The following GBF1 variants were observed in gnomAD, a reference collection of about 807,000 sequenced individuals.
GBF1 encodes golgi brefeldin A resistant guanine nucleotide exchange factor 1.
GBF1 carries 114 observed loss-of-function variants against 210.5 expected under a neutral mutation model. The ratio of observed to expected loss-of-function variants is 0.54; its 90% CI spans 0.47 to 0.63. The LOEUF (loss-of-function observed/expected upper bound fraction) is 0.63. Among genes scored for constraint, GBF1 ranks in the 30% least tolerant of loss-of-function variants. The pLI is 0.00. For synonymous variants in GBF1, 850 were observed against 889.2 expected (o/e 0.96, Z 0.78); for missense variants, 1,851 against 2,357.7 (o/e 0.79, Z 4.45).
chr10:102,332,201 C>A (rs1280839862), intron 3 of GBF1, among the ~76,000 whole-genome samples: 2 of 151,850 alleles, frequency 1.3e-5, no homozygotes, highest in Non-Finnish European at 2.9e-5. Context: ...CTTGTAATGC[C>A]TAACTCAATA....
chr10:102,362,308 G>C (rs535769138), intron 14 of GBF1, among the ~76,000 whole-genome samples, 167 bp from the exon 15 acceptor site: 3 of 151,504 alleles, frequency 2.0e-5, no homozygotes, highest in Admixed American at 6.6e-5. Flanking sequence ...CACCCGCCTC[G>C]GCCTCCCAAA....
chr10:102,247,462 G>C (rs1320262291), intron 1 of GBF1, among the ~76,000 whole-genome samples: 1 of 152,078 alleles, frequency 6.6e-6, no homozygotes, highest in Non-Finnish European at 1.5e-5. Context: ...CATACCTCAG[G>C]AGGTACCCAG....
intron 1 of GBF1, among the ~76,000 whole-genome samples, chr10:102,257,060 C>T (rs1252378843): frequency 2.0e-5 from 3 of 152,092 alleles, no homozygotes; most frequent in Admixed American, 6.5e-5. Flanking sequence ...AAAGACAAAA[C>T]GATTACAGAT....
intron 4 of GBF1, among the ~76,000 whole-genome samples, chr10:102,346,600 C>G (rs765877578): frequency 6.6e-6 from 1 of 152,198 alleles, no homozygotes; most frequent in Non-Finnish European, 1.5e-5. Context: ...CCTTGACCTT[C>G]GGGCTCAGGT....
chr10:102,264,091 C>A (rs1471525800), intron 3 of GBF1, among the ~76,000 whole-genome samples: 1 of 152,148 alleles, frequency 6.6e-6, no homozygotes, highest in Non-Finnish European at 1.5e-5. Flanking sequence ...GATGGTTGCA[C>A]AACTTTGTGA....
intron 14 of GBF1, 133 bp downstream of exon 14, chr10:102,362,045 C>CTT: frequency 1.9e-5 from 5 of 259,004 alleles, no homozygotes; most frequent in South Asian, 9.1e-5. Context: ...ATTTTCTTTT[C>CTT]TTTTCTTTTT....
At chr10:102,360,074 C>T in intron 11 of GBF1, 110 bp from the exon 12 acceptor site, 1 of 762,402 alleles carries the variant, frequency 1.3e-6, no homozygotes, top group African/African-American at 1.7e-5. Flanking sequence ...CCCTTTTCTT[C>T]AAAGAGAATC....
At chr10:102,374,006 G>A (rs550928762) in intron 29 of GBF1, among the ~76,000 whole-genome samples, 3 of 152,190 alleles carry the variant, frequency 2.0e-5, no homozygotes, top group East Asian at 1.9e-4. Context: ...AAAAGGTTAT[G>A]TAATATATAA....
At chr10:102,296,277 G>A (rs2076900089) in intron 3 of GBF1, among the ~76,000 whole-genome samples, 1 of 152,124 alleles carries the variant, frequency 6.6e-6, no homozygotes, top group Non-Finnish European at 1.5e-5. Flanking sequence ...TAAGAAAGAA[G>A]GGTTATGGTT....
rs549574228 is a variant in GBF1, at chr10:102,368,514, T to C, written c.2879+60T>C. ...CTAGCTCTGTGAGCTAACATGGTTT[T>C]CTCCATGCCTCTCTGACTCCTACTG... On this transcript the variant is annotated intron_variant, in intron 22 of 39. Transcript: ENST00000369983. The C allele has an allele frequency of 1.8e-5, 18 of 996,196 alleles. No homozygotes were observed. The East Asian group carries it at 4.0e-4, about 22-fold the overall frequency. The allele number at this position is 996,196 out of a possible 1,614,324, so 61.7% of individuals were successfully genotyped here.
chr10:102,358,953 G>A (rs936280209), intron 10 of GBF1: 44 of 593,548 alleles, frequency 7.4e-5, no homozygotes, highest in African/African-American at 6.3e-4. Flanking sequence ...ATGCATATAG[G>A]TAGTACTTGA....
rs951559990 is a variant in GBF1 at position 102,344,271 on chromosome 10, A to C, written c.295+89A>C. 60 of 1,224,506 alleles carry C rather than the reference A, an allele frequency of 4.9e-5. 1 individual carries two copies. In the Middle Eastern group the frequency reaches 1.5e-3, roughly 31 times the overall value. The allele number at this position is 1,224,506 out of a possible 1,614,324, so 75.9% of individuals were successfully genotyped here. ...AGGCCTTAGGCAATGAGCTGGTGAT[A>C]GTGGGAAATTTTTTCCAGTCACCTC... is the stretch of plus-strand genomic sequence containing the variant. On this transcript the variant is annotated intron_variant, in intron 4 of 39. Coordinates refer to ENST00000369983, the MANE Select transcript of GBF1 (RefSeq NM_001377137.1).
rs2059897435 is a variant in GBF1 at position 102,366,069 on chromosome 10, C to T, written c.2310-314C>T. Among the ~76,000 whole-genome samples, 1 of 152,170 alleles carries T rather than the reference C, an allele frequency of 6.6e-6. No individual in the cohort carries two copies. Among genetic ancestry groups the T allele is most frequent in the South Asian group, 2.1e-4 (1 of 4,832 alleles). ...CCCTAGCCAATGTTCTTCCTCTACCCATCATTTATATCTATTGGACCTGAA... is the reference window on the plus strand; with the variant it reads ...CCCTAGCCAATGTTCTTCCTCTACCTATCATTTATATCTATTGGACCTGAA... On this transcript the variant is annotated intron_variant, in intron 18 of 39. Coordinates refer to ENST00000369983, the MANE Select transcript of GBF1 (RefSeq NM_001377137.1). This position sits in a 1 kb window ranked among gnomAD's most constrained non-coding sequence, Gnocchi z 4.0.
chr10:102,304,993 GA>G (rs1276558904), intron 3 of GBF1, among the ~76,000 whole-genome samples: 2 of 332 alleles, frequency 6.0e-3, no homozygotes, highest in East Asian at 0.17. Flanking sequence ...TAAAAAAAAA[GA>G]AAGAAAGAAA....
chr10:102,367,605 G>A (rs745837859), intron 21 of GBF1, 45 bp downstream of exon 21: 3 of 1,096,956 alleles, frequency 2.7e-6, no homozygotes, highest in African/African-American at 3.1e-5. Flanking sequence ...TTAAGAAGAA[G>A]CACATTGCTT....
chr10:102,264,369 G>A (rs1271336197), intron 3 of GBF1, among the ~76,000 whole-genome samples: 1 of 152,094 alleles, frequency 6.6e-6, no homozygotes, highest in Non-Finnish European at 1.5e-5. Context: ...GGAAGCACAT[G>A]GCTTTTATAT....
intron 3 of GBF1, among the ~76,000 whole-genome samples, chr10:102,305,046 G>T (rs934459357): frequency 1.3e-5 from 2 of 151,798 alleles, no homozygotes; most frequent in African/African-American, 4.8e-5. Flanking sequence ...GCTGGGTGTG[G>T]TGGTTCATAC....
intron 3 of GBF1, among the ~76,000 whole-genome samples, chr10:102,332,843 A>G (rs1464087053): frequency 6.6e-6 from 1 of 152,184 alleles, no homozygotes; most frequent in African/African-American, 2.4e-5. Context: ...ATAGCCCCCT[A>G]AGTCTAGAAG....
intron 3 of GBF1, among the ~76,000 whole-genome samples, chr10:102,305,695 G>A (rs1267396291): frequency 6.6e-6 from 1 of 152,098 alleles, no homozygotes; most frequent in Non-Finnish European, 1.5e-5. Context: ...AGGCTGGAGT[G>A]CCATGACGCA....
Sources: allele counts gnomAD v4.1 joint callset (sites outside exome capture counted in the v4.1 genomes callset), GRCh38; gene constraint gnomAD v4.1.1; non-coding constraint Gnocchi (gnomAD v3.1); transcripts MANE v1.5; gene names NCBI Gene and HGNC (gene_info 2026-07-23, HGNC 2026-07-21).